Variants in NDUFS4 observed in about 807,000 individuals in gnomAD.
NDUFS4 encodes the protein NADH dehydrogenase [ubiquinone] iron-sulfur protein 4, mitochondrial.
Under a neutral mutation model 24.3 loss-of-function variants are expected in NDUFS4, and 28 were observed. That is an observed-to-expected ratio of 1.15 (90% CI 0.85 to 1.58). The LOEUF (loss-of-function observed/expected upper bound fraction) is 1.58. Ranked by LOEUF, NDUFS4 falls within the 40% of genes most tolerant of loss-of-function variation. The probability of loss-of-function intolerance (pLI) is 0.00; values close to 1 mark genes in which losing one functional copy is unlikely to be tolerated. For missense variants in NDUFS4, 223 were observed against 207.9 expected, an observed-to-expected ratio of 1.07 and a Z score of -0.45; for synonymous variants, 93 against 69.7, an observed-to-expected ratio of 1.34 and a Z score of -1.67.
intron 2 of NDUFS4, among the ~76,000 whole-genome samples, chr5:53,639,991 A>G (rs542618008): frequency 2.3e-4 from 35 of 152,228 alleles, no homozygotes; most frequent in South Asian, 2.1e-3. Flanking sequence ...TGAAATTTTT[A>G]GGTGAGTTAG....
chr5:53,579,486 C>T (rs1044824902), intron 1 of NDUFS4, among the ~76,000 whole-genome samples: 1 of 152,146 alleles, frequency 6.6e-6, no homozygotes, highest in Non-Finnish European at 1.5e-5. Flanking sequence ...GAGAATGTTA[C>T]CTTATATGGC....
intron 3 of NDUFS4, among the ~76,000 whole-genome samples, chr5:53,648,801 G>A (rs1235560997): frequency 6.6e-6 from 1 of 152,116 alleles, no homozygotes; most frequent in African/African-American, 2.4e-5. Flanking sequence ...AGATGCTGAG[G>A]ATTAAAAGCC....
intron 3 of NDUFS4, among the ~76,000 whole-genome samples, chr5:53,651,350 A>G (rs986221227): frequency 6.6e-6 from 1 of 151,848 alleles, no homozygotes; most frequent in Non-Finnish European, 1.5e-5. Context: ...CTTTTTCTAA[A>G]ATTGTTAGAA....
intron 4 of NDUFS4, among the ~76,000 whole-genome samples, chr5:53,675,971 G>A (rs1740454885): frequency 6.6e-6 from 1 of 152,210 alleles, no homozygotes; most frequent in Non-Finnish European, 1.5e-5. Flanking sequence ...TAAATCTATA[G>A]GATGTCTCAA....
chr5:53,589,263 C>A (rs1377014026), intron 1 of NDUFS4, among the ~76,000 whole-genome samples: 1 of 152,208 alleles, frequency 6.6e-6, no homozygotes, highest in Non-Finnish European at 1.5e-5. Context: ...TAGAGAAGCA[C>A]TTGAATAGAG....
chr5:53,683,054 T>G, intron 4 of NDUFS4, 64 bp from the exon 5 acceptor site: 2 of 1,058,262 alleles, frequency 1.9e-6, no homozygotes, highest in Non-Finnish European at 3.0e-6. Flanking sequence ...CTCTGCTTGC[T>G]GTGCTTTTCA....
chr5:53,580,787 TTCTC>T (rs768188147), intron 1 of NDUFS4, among the ~76,000 whole-genome samples: 1 of 150,778 alleles, frequency 6.6e-6, no homozygotes, highest in African/African-American at 2.4e-5. Flanking sequence ...CTCTCTTTCT[TTCTC>T]TTTCTCTCTT....
intron 1 of NDUFS4, among the ~76,000 whole-genome samples, chr5:53,582,012 C>A (rs1003394626): frequency 6.6e-6 from 1 of 152,002 alleles, no homozygotes; most frequent in African/African-American, 2.4e-5. Context: ...GAGATTGAGA[C>A]CATCCTGGCT....
intron 2 of NDUFS4, among the ~76,000 whole-genome samples, chr5:53,614,883 A>T (rs1293010788): frequency 6.6e-6 from 1 of 152,052 alleles, no homozygotes; most frequent in African/African-American, 2.4e-5. Flanking sequence ...TTTGGATTTT[A>T]AGTTTAGGTT....
At chr5:53,672,672 A>C (rs1277078290) in intron 4 of NDUFS4, among the ~76,000 whole-genome samples, 2 of 152,140 alleles carry the variant, frequency 1.3e-5, no homozygotes, top group Admixed American at 1.3e-4. Context: ...ATTTGTGATC[A>C]CAAAATAACA....
intron 2 of NDUFS4, among the ~76,000 whole-genome samples, chr5:53,618,871 T>C (rs926080104): frequency 2.6e-5 from 4 of 152,046 alleles, no homozygotes; most frequent in Non-Finnish European, 4.4e-5. Flanking sequence ...CCTAGCACTT[T>C]GGGAGGCTGA....
chr5:53,569,397 AT>A (rs768909494), intron 1 of NDUFS4, among the ~76,000 whole-genome samples: 181 of 152,272 alleles, frequency 1.2e-3, no homozygotes, highest in Admixed American at 2.8e-3. Flanking sequence ...AAAAAGTGAT[AT>A]TTTGGCAGGC....
In NDUFS4 at chr5:53,637,633, A is replaced by G. The variant is rs148592700; in HGVS notation, c.178-8600A>G. ...GATAGCTTAAAAGAAAAGAAAAAAG[A>G]ATTTCCTTAAATCTGGAAAACAAAA... On this transcript the variant is annotated intron_variant, in intron 2 of 4. Coordinates refer to ENST00000296684, the MANE Select transcript of NDUFS4 (RefSeq NM_002495.4). 9.2e-4 allele frequency among the ~76,000 whole-genome samples: 140 copies of G among 152,286 alleles called. 1 individual carries two copies. The East Asian group carries it at 0.023, about 25-fold the overall frequency.
At chr5:53,622,660 G>C (rs1751085217) in intron 2 of NDUFS4, among the ~76,000 whole-genome samples, 1 of 151,820 alleles carries the variant, frequency 6.6e-6, no homozygotes, top group Admixed American at 6.6e-5. Context: ...CTTTTCATTG[G>C]ATATAGAATT....
At chr5:53,582,246 T>TAAAATAAAATA (rs1168881967) in intron 1 of NDUFS4, among the ~76,000 whole-genome samples, 1,420 of 124,212 alleles carry the variant, frequency 0.011, 8 homozygotes, top group Non-Finnish European at 0.015. Flanking sequence ...AAAATAAAAT[T>TAAAATAAAATA]AAATTAAAAT....
At chr5:53,608,071 G>T (rs1175853544) in intron 2 of NDUFS4, among the ~76,000 whole-genome samples, 1 of 152,092 alleles carries the variant, frequency 6.6e-6, no homozygotes, top group Non-Finnish European at 1.5e-5. Context: ...TTTGGTTCCA[G>T]ACCACCACAG....
chr5:53,635,228 C>T (rs983005641), intron 2 of NDUFS4, among the ~76,000 whole-genome samples: 2 of 150,830 alleles, frequency 1.3e-5, no homozygotes. Flanking sequence ...ACCAACCAAC[C>T]AAAAAATCCA....
At chr5:53,570,926 T>C (rs1359009457) in intron 1 of NDUFS4, among the ~76,000 whole-genome samples, 3 of 151,974 alleles carry the variant, frequency 2.0e-5, no homozygotes, top group Non-Finnish European at 2.9e-5. Context: ...TTAGGTGATC[T>C]GCCTGCCTCG....
At chr5:53,612,927 A>C (rs1040438702) in intron 2 of NDUFS4, among the ~76,000 whole-genome samples, 1 of 152,096 alleles carries the variant, frequency 6.6e-6, no homozygotes, top group Non-Finnish European at 1.5e-5. Flanking sequence ...TTTGCTGTAC[A>C]AGTATTTGTT....
Sources: allele counts gnomAD v4.1 joint callset (sites outside exome capture counted in the v4.1 genomes callset), GRCh38; gene constraint gnomAD v4.1.1; transcripts MANE v1.5; gene names NCBI Gene and HGNC (gene_info 2026-07-23, HGNC 2026-07-21).